The following SMURF2 variants were observed in gnomAD, a reference collection of about 807,000 sequenced individuals.
The protein encoded by SMURF2 is SMAD specific E3 ubiquitin protein ligase 2, also known as E3 ubiquitin-protein ligase SMURF2.
SMURF2 carries 48 observed loss-of-function variants against 109.6 expected under a neutral mutation model. The observed-to-expected ratio is 0.44, with a 90% confidence interval of 0.35 to 0.56. SMURF2 has a LOEUF of 0.56. Ranked by LOEUF, SMURF2 falls within the 20% of genes least tolerant of loss-of-function variation. The probability of loss-of-function intolerance (pLI) is 0.01; values close to 1 mark genes in which losing one functional copy is unlikely to be tolerated. For missense variants in SMURF2, 575 were observed against 909.0 expected (o/e 0.63, Z 4.72); for synonymous variants, 288 against 317.1 (o/e 0.91, Z 0.97).
chr17:64,583,992 A>C (rs1969612182), intron 6 of SMURF2, among the ~76,000 whole-genome samples: 1 of 151,992 alleles, frequency 6.6e-6, no homozygotes, highest in African/African-American at 2.4e-5. Context: ...TAGCCTACCC[A>C]AACTAATTTT....
intron 1 of SMURF2, among the ~76,000 whole-genome samples, chr17:64,608,054 T>A (rs1226091998): frequency 6.6e-6 from 1 of 150,868 alleles, no homozygotes; most frequent in Admixed American, 6.6e-5. Flanking sequence ...AATCTGCTTA[T>A]AGAGTCATAA....
rs1014092937 is a variant in SMURF2, at chr17:64,645,697, G to T, written c.52+16132C>A. Among the ~76,000 whole-genome samples, 3 of 151,980 alleles carry T rather than the reference G, an allele frequency of 2.0e-5. No homozygotes were observed. In the East Asian group the frequency reaches 5.8e-4, roughly 29 times the overall value. The stretch of plus-strand genomic sequence containing the variant: ...CTATGTTGCCAGGCTGGTCTCAAAC[G>T]CCTAGGCTTAACAACCCTCCTGCCT... On this transcript the variant is annotated intron_variant, in intron 1 of 18. Transcript: ENST00000262435.
At chr17:64,560,096 T>C (rs1263708436) in intron 12 of SMURF2, among the ~76,000 whole-genome samples, 1 of 151,612 alleles carries the variant, frequency 6.6e-6, no homozygotes, top group Non-Finnish European at 1.5e-5. Flanking sequence ...GTGCCTATAG[T>C]CCTAGCTCTT....
At chr17:64,657,937 G>A (rs1018170956) in intron 1 of SMURF2, among the ~76,000 whole-genome samples, 2 of 152,244 alleles carry the variant, frequency 1.3e-5, no homozygotes, top group African/African-American at 4.8e-5. Context: ...TGCCTGAAGA[G>A]GGTCAGACTA....
chr17:64,661,549 G>C (rs370234488), intron 1 of SMURF2, among the ~76,000 whole-genome samples: 1 of 152,144 alleles, frequency 6.6e-6, no homozygotes, highest in Non-Finnish European at 1.5e-5. Flanking sequence ...CTGGCTCCTT[G>C]ACCAAGACTT....
intron 12 of SMURF2, among the ~76,000 whole-genome samples, chr17:64,559,523 G>A (rs566740494): frequency 6.6e-6 from 1 of 151,828 alleles, no homozygotes; most frequent in South Asian, 2.1e-4. Flanking sequence ...AACCCAGGAG[G>A]CAGAGGTTGC....
At chr17:64,578,615 A>G (rs371503163) in intron 8 of SMURF2, 39 bp from the exon 9 acceptor site, 7 of 1,398,714 alleles carry the variant, frequency 5.0e-6, no homozygotes, top group Non-Finnish European at 7.1e-6. Context: ...AAACATTCAG[A>G]GTGTCCAGAT....
intron 16 of SMURF2, among the ~76,000 whole-genome samples, chr17:64,548,881 A>G (rs1555683378): frequency 6.6e-6 from 1 of 152,212 alleles, no homozygotes; most frequent in Non-Finnish European, 1.5e-5. Context: ...GTTTGTTTAT[A>G]GCAGTGAATT....
In SMURF2 at chr17:64,662,070, C is replaced by T. The variant is rs1471284705; in HGVS notation, c.-190G>A. The T allele has an allele frequency of 6.5e-5, 71 of 1,096,132 alleles. No individual in the cohort carries two copies. The highest frequency in any genetic ancestry group is 7.7e-5 in the Non-Finnish European group (69 of 901,490). 67.9% of individuals were successfully genotyped at this position (1,096,132 alleles called of 1,614,324 possible). On this transcript the variant is annotated 5_prime_UTR_variant, in exon 1 of 19. Transcript: ENST00000262435. ...AGGGAGCGGGACGCCGAGCTCCCCC[C>T]TCCTCCCACTTCTCCTTCCTCGGCC...
At chr17:64,644,829 G>A (rs12945965) in intron 1 of SMURF2, among the ~76,000 whole-genome samples, 19,361 of 151,236 alleles carry the variant, frequency 0.13, 1,621 homozygotes, top group Middle Eastern at 0.27. Context: ...GTGAAACCCT[G>A]TCTCTACTAA....
chr17:64,598,339 A>C, intron 3 of SMURF2, 43 bp downstream of exon 3: 1 of 1,417,220 alleles, frequency 7.1e-7, no homozygotes, highest in Non-Finnish European at 9.7e-7. Context: ...ATATCAAATA[A>C]TTTAATGATA....
In SMURF2 at chr17:64,662,103, C is replaced by T; in HGVS notation, c.-223G>A. On this transcript the variant is annotated 5_prime_UTR_variant, in exon 1 of 19. Coordinates refer to ENST00000262435, the MANE Select transcript of SMURF2 (RefSeq NM_022739.4). The stretch of plus-strand genomic sequence containing the variant: ...ACTTCTCCTTCCTCGGCCCGGGCCG[C>T]ACAACAAAGCGGCAGCCGCGGCCGC... The T allele has an allele frequency of 1.9e-6, 2 of 1,063,836 alleles. No individual in the cohort carries two copies. The highest frequency in any genetic ancestry group is 2.3e-6 in the Non-Finnish European group (2 of 880,964). The allele number at this position is 1,063,836 out of a possible 1,614,324, so 65.9% of individuals were successfully genotyped here.
At chr17:64,584,064 GGCTA>G (rs1969613305) in intron 6 of SMURF2, among the ~76,000 whole-genome samples, 1 of 151,982 alleles carries the variant, frequency 6.6e-6, no homozygotes, top group African/African-American at 2.4e-5. Flanking sequence ...CATTTTGGGA[GGCTA>G]GCATTTTGGG....
intron 1 of SMURF2, among the ~76,000 whole-genome samples, chr17:64,657,049 T>C (rs971538594): frequency 1.3e-5 from 2 of 152,228 alleles, no homozygotes; most frequent in African/African-American, 4.8e-5. Context: ...GAAGTATTTA[T>C]AGCTCTCCAG....
chr17:64,611,498 C>A (rs1970044293), intron 1 of SMURF2, among the ~76,000 whole-genome samples: 1 of 152,150 alleles, frequency 6.6e-6, no homozygotes, highest in Non-Finnish European at 1.5e-5. Flanking sequence ...CAATAAATAG[C>A]CTTCCTTTCC....
At chr17:64,601,670 C>T (rs1969898464) in intron 2 of SMURF2, among the ~76,000 whole-genome samples, 2 of 152,036 alleles carry the variant, frequency 1.3e-5, no homozygotes, top group Non-Finnish European at 2.9e-5. Context: ...AGTAGATCTA[C>T]TGTTTGATCT....
intron 11 of SMURF2, 43 bp downstream of exon 11, chr17:64,562,728 T>TG (rs1555684634): frequency 6.3e-7 from 1 of 1,581,066 alleles, no homozygotes. Context: ...AATGGGTTTC[T>TG]GGAAAAAAAA....
chr17:64,598,734 G>A (rs1555688311), intron 2 of SMURF2, among the ~76,000 whole-genome samples: 1 of 152,076 alleles, frequency 6.6e-6, no homozygotes. Context: ...AAAATCTAGA[G>A]GTTACCTCAT....
intron 6 of SMURF2, among the ~76,000 whole-genome samples, chr17:64,584,447 C>T (rs1262463827): frequency 2.7e-5 from 4 of 147,964 alleles, no homozygotes; most frequent in Non-Finnish European, 5.9e-5. Context: ...CAACCTACGC[C>T]TCCCGGGTTC....
Sources: allele counts gnomAD v4.1 joint callset (sites outside exome capture counted in the v4.1 genomes callset), GRCh38; gene constraint gnomAD v4.1.1; transcripts MANE v1.5; gene names NCBI Gene and HGNC (gene_info 2026-07-23, HGNC 2026-07-21).